The following RAG1 variants were observed in gnomAD, a reference collection of about 807,000 sequenced individuals.
RAG1 encodes the protein V(D)J recombination-activating protein 1.
A neutral mutation model predicts 62.7 loss-of-function variants in RAG1; 35 were observed. The ratio of observed to expected loss-of-function variants is 0.56; its 90% CI spans 0.43 to 0.74. The LOEUF is 0.74. Ranked by LOEUF, RAG1 falls within the 30% of genes least tolerant of loss-of-function variation. The pLI, the probability that RAG1 is intolerant of heterozygous loss-of-function variation, is 0.00. For missense variants in RAG1, 1,169 were observed against 1,278.6 expected, an observed-to-expected ratio of 0.91 and a Z score of 1.31; for synonymous variants, 461 against 470.3, an observed-to-expected ratio of 0.98 and a Z score of 0.26.
At chr11:36,538,136 A>G (rs1860359443), downstream of RAG1, among the ~76,000 whole-genome samples, 1 of 152,178 alleles carries the variant, frequency 6.6e-6, no homozygotes, top group African/African-American at 2.4e-5. Flanking sequence ...CTTTTCTACT[A>G]AAGTATTTGG....
At chr11:36,521,301 G>A (rs531970992) in intron 2 of RAG1, among the ~76,000 whole-genome samples, 117 of 152,182 alleles carry the variant, frequency 7.7e-4, no homozygotes, top group African/African-American at 2.8e-3. Flanking sequence ...TGTGTTGTGG[G>A]AGGGACCCGG....
intron 3 of RAG1, among the ~76,000 whole-genome samples, chr11:36,557,566 G>C (rs866001199): frequency 1.3e-5 from 2 of 151,826 alleles, no homozygotes; most frequent in East Asian, 1.9e-4. Context: ...GAAATCACCC[G>C]TCTTCTGCGT....
chr11:36,523,436 T>C (rs1860112349), intron 2 of RAG1, among the ~76,000 whole-genome samples: 1 of 152,212 alleles, frequency 6.6e-6, no homozygotes, highest in African/African-American at 2.4e-5. Flanking sequence ...TCCCCAGCCA[T>C]GTGGAACTGT....
At chr11:36,568,906 T>C (rs1850698032) in intron 1 of RAG1, among the ~76,000 whole-genome samples, 3 of 152,262 alleles carry the variant, frequency 2.0e-5, no homozygotes. Context: ...CTTTTTATTT[T>C]GTCACATTTT....
intron 3 of RAG1, among the ~76,000 whole-genome samples, chr11:36,549,755 C>G (rs1335079671): frequency 1.1e-4 from 16 of 152,184 alleles, no homozygotes; most frequent in Non-Finnish European, 2.2e-4. Flanking sequence ...CCAGCAATCT[C>G]ATTACTGAGT....
chr11:36,569,468 C>T (rs1005711683), intron 1 of RAG1, among the ~76,000 whole-genome samples: 11 of 152,216 alleles, frequency 7.2e-5, no homozygotes, highest in Non-Finnish European at 7.3e-5. Context: ...ACAATCCTAA[C>T]TTCATGCTGT....
intron 1 of RAG1, among the ~76,000 whole-genome samples, chr11:36,517,305 C>G (rs1222588487): frequency 6.6e-6 from 1 of 152,150 alleles, no homozygotes; most frequent in African/African-American, 2.4e-5. Flanking sequence ...ACCAAATTGT[C>G]TCTTGTGAGG....
At chr11:36,533,139 G>A (rs1860279735) in intron 2 of RAG1, among the ~76,000 whole-genome samples, 2 of 152,084 alleles carry the variant, frequency 1.3e-5, no homozygotes, top group Non-Finnish European at 2.9e-5. Context: ...TTCTGTTCTG[G>A]TTCCCCATAG....
At chr11:36,512,279 G>T (rs1488490572) in intron 1 of RAG1, among the ~76,000 whole-genome samples, 4 of 152,200 alleles carry the variant, frequency 2.6e-5, no homozygotes, top group African/African-American at 9.6e-5. Context: ...TGCAACCAAG[G>T]AGCAAAGGGC....
At chr11:36,513,728 C>A (rs1156458311) in intron 1 of RAG1, among the ~76,000 whole-genome samples, 1 of 152,176 alleles carries the variant, frequency 6.6e-6, no homozygotes, top group Non-Finnish European at 1.5e-5. Flanking sequence ...AAAGGCATGT[C>A]TTACATGGCA....
At chr11:36,570,715 T>G (rs1483228721) in intron 1 of RAG1, among the ~76,000 whole-genome samples, 1 of 152,362 alleles carries the variant, frequency 6.6e-6, no homozygotes, top group Non-Finnish European at 1.5e-5. Context: ...CAATCTATTT[T>G]AACTGGGGTG....
At chr11:36,538,411 G>A (rs1475935509), downstream of RAG1, among the ~76,000 whole-genome samples, 1 of 152,066 alleles carries the variant, frequency 6.6e-6, no homozygotes, top group Non-Finnish European at 1.5e-5. Flanking sequence ...CTTTCCAAAT[G>A]CAAAAGCAAA....
At chr11:36,539,450 ACTT>A (rs1390395791), downstream of RAG1, among the ~76,000 whole-genome samples, 2 of 152,050 alleles carry the variant, frequency 1.3e-5, no homozygotes, top group African/African-American at 4.8e-5. Context: ...ATCTTTAGAG[ACTT>A]CTTCTGGGGA....
chr11:36,534,165 T>A (rs1860293462), intron 2 of RAG1, among the ~76,000 whole-genome samples: 1 of 152,182 alleles, frequency 6.6e-6, no homozygotes, highest in Non-Finnish European at 1.5e-5. Flanking sequence ...AGGCTACTTC[T>A]TAAGCAATTT....
rs1171503927 is a variant in RAG1 at position 36,573,325 on chromosome 11, C to T, written c.21C>T (p.Pro7=). MAASFP[P]TLGLSSAPDE... is the part of the protein sequence containing the mutation. ...CCAGCATGGCAGCCTCTTTCCCACC[C>T]ACCTTGGGACTCAGTTCTGCCCCAG... Residue 7 remains proline (P), a synonymous_variant, in exon 2 of 2, where the codon CCC becomes CCT. Transcript: ENST00000299440. 6.2e-7 allele frequency: 1 copy of T among 1,614,182 alleles called. No homozygotes were observed. The highest frequency in any genetic ancestry group is 8.5e-7 in the Non-Finnish European group (1 of 1,180,036).
intron 3 of RAG1, among the ~76,000 whole-genome samples, chr11:36,547,060 T>A (rs2031143545): frequency 6.6e-6 from 1 of 152,074 alleles, no homozygotes; most frequent in African/African-American, 2.4e-5. Flanking sequence ...TCAAGGGGTA[T>A]CTTTGTGGTG....
chr11:36,564,822 A>G (rs541821587), upstream of RAG1, among the ~76,000 whole-genome samples: 7 of 152,326 alleles, frequency 4.6e-5, no homozygotes, highest in Admixed American at 3.9e-4. Context: ...GCTCCGATCT[A>G]GCGACGACCT....
rs768801685 is a variant in RAG1, at chr11:36,573,676, C to A, written c.372C>A (p.Asn124Lys). The change falls in exon 2 of 2, where the codon AAC becomes AAA. Residue 124 changes from asparagine (N) to lysine (K), a missense_variant. Asn to Lys is a moderately conservative substitution (Grantham distance 94). Coordinates refer to ENST00000299440, the MANE Select transcript of RAG1 (RefSeq NM_000448.3). Reference protein sequence around the residue: ...CGNSFRADEHNRRYPVHGPVD... With the variant: ...CGNSFRADEHKRRYPVHGPVD... ...ATTCTTTTAGAGCTGATGAGCACAACAGGAGATATCCAGTCCATGGTCCTG... is the reference window on the plus strand; with the variant it reads ...ATTCTTTTAGAGCTGATGAGCACAAAAGGAGATATCCAGTCCATGGTCCTG... 1 of 1,614,154 alleles carries A rather than the reference C, an allele frequency of 6.2e-7. No individual in the cohort carries two copies.
At chr11:36,543,873 G>A (rs1216382068) in intron 3 of RAG1, among the ~76,000 whole-genome samples, 2 of 152,136 alleles carry the variant, frequency 1.3e-5, no homozygotes, top group African/African-American at 4.8e-5. Context: ...TCATTTCTCT[G>A]GGATAAATGG....
Sources: allele counts gnomAD v4.1 joint callset (sites outside exome capture counted in the v4.1 genomes callset), GRCh38; gene constraint gnomAD v4.1.1; transcripts MANE v1.5; gene names NCBI Gene and HGNC (gene_info 2026-07-23, HGNC 2026-07-21).